The following LRP1B variants were observed in gnomAD, a reference collection of about 807,000 sequenced individuals.
The protein encoded by LRP1B is LDL receptor related protein 1B.
A neutral mutation model predicts 556.6 loss-of-function variants in LRP1B; 217 were observed. That is an observed-to-expected ratio of 0.39 (90% CI 0.35 to 0.44). The LOEUF is 0.44. Ranked by LOEUF, LRP1B falls within the 20% of genes least tolerant of loss-of-function variation. The probability of loss-of-function intolerance (pLI) is 1.00; values close to 1 mark genes in which losing one functional copy is unlikely to be tolerated. For synonymous variants in LRP1B, 2,047 were observed against 1,865.8 expected (o/e 1.10, Z -2.50); for missense variants, 5,053 against 5,620.8 (o/e 0.90, Z 3.23).
chr2:141,530,058 T>C (rs183805037), intron 2 of LRP1B, among the ~76,000 whole-genome samples: 111 of 152,266 alleles, frequency 7.3e-4, no homozygotes, highest in African/African-American at 2.6e-4. Flanking sequence ...TCATAAAGCA[T>C]TGTCATTCTA....
intron 3 of LRP1B, among the ~76,000 whole-genome samples, chr2:141,372,926 G>GT (rs1689284837): frequency 6.6e-6 from 1 of 151,772 alleles, no homozygotes; most frequent in Non-Finnish European, 1.5e-5. Flanking sequence ...GTTCGTTCTT[G>GT]TTTTTTCCAG....
At chr2:142,090,543 T>C (rs1317953661) in intron 1 of LRP1B, among the ~76,000 whole-genome samples, 1 of 152,124 alleles carries the variant, frequency 6.6e-6, no homozygotes, top group Non-Finnish European at 1.5e-5. Context: ...AAGACTTCAA[T>C]TTACAGATGT....
At chr2:140,290,130 C>T (rs1393059050) in intron 84 of LRP1B, among the ~76,000 whole-genome samples, 3 of 151,882 alleles carry the variant, frequency 2.0e-5, no homozygotes, top group Non-Finnish European at 4.4e-5. Context: ...GTTTAATATT[C>T]TAGTGGGGTA....
intron 35 of LRP1B, among the ~76,000 whole-genome samples, chr2:140,725,553 G>C (rs1160363240): frequency 1.7e-5 from 2 of 118,464 alleles, no homozygotes; most frequent in African/African-American, 6.3e-5. Flanking sequence ...GGGGAGGGGG[G>C]AGGGATAGCA....
rs561443490 is a variant in LRP1B at position 141,988,931 on chromosome 2, A to T, written c.82+141717T>A. ...ATAAATAAGTGCCTACTGCATGCAT[A>T]TTTCTACTAGAATCCTTAAAGAGAT... On this transcript the variant is annotated intron_variant, in intron 1 of 90. Transcript: ENST00000389484. Among the ~76,000 whole-genome samples the T allele has an allele frequency of 3.0e-4, 45 of 152,144 alleles. 4 individuals carry two copies. In the South Asian group the frequency reaches 9.1e-3, roughly 31 times the overall value.
rs150307333 is a variant in LRP1B at position 141,037,306 on chromosome 2, TA to T, written c.1789+11679del. Among the ~76,000 whole-genome samples, 458 of 152,124 alleles carry T rather than the reference TA, an allele frequency of 3.0e-3. 4 individuals carry two copies. Among genetic ancestry groups the T allele is most frequent in the African/African-American group, 0.011 (446 of 41,534 alleles). On this transcript the variant is annotated intron_variant, in intron 11 of 90. Transcript: ENST00000389484. ...ATTTGATTGGCCAAATCCTTCACAC[TA>T]ATAAACTGACAATAAATATGCTTTT...
intron 31 of LRP1B, among the ~76,000 whole-genome samples, chr2:140,831,251 T>C (rs1295587497): frequency 6.6e-6 from 1 of 152,002 alleles, no homozygotes; most frequent in Non-Finnish European, 1.5e-5. Flanking sequence ...GACAGAGACA[T>C]CACATTACTT....
chr2:141,103,143 T>C (rs1395771165), intron 7 of LRP1B, among the ~76,000 whole-genome samples: 4 of 152,140 alleles, frequency 2.6e-5, no homozygotes, highest in East Asian at 1.9e-4. Flanking sequence ...CTTCATCCAT[T>C]TGATGCCAAA....
chr2:141,682,590 T>C (rs563341416), intron 2 of LRP1B, among the ~76,000 whole-genome samples: 87 of 152,288 alleles, frequency 5.7e-4, no homozygotes, highest in African/African-American at 2.0e-3. Flanking sequence ...TCCATTCCCA[T>C]GTTGGAAAAA....
intron 18 of LRP1B, among the ~76,000 whole-genome samples, chr2:140,961,630 T>A (rs1696037351): frequency 6.6e-6 from 1 of 152,122 alleles, no homozygotes; most frequent in African/African-American, 2.4e-5. Context: ...CCACACAATT[T>A]TTTTTCCATT....
intron 3 of LRP1B, among the ~76,000 whole-genome samples, chr2:141,308,431 A>G (rs575806163): frequency 6.6e-6 from 1 of 152,246 alleles, no homozygotes; most frequent in South Asian, 2.1e-4. Flanking sequence ...CTGATAACAA[A>G]AGTTATCAGA....
chr2:141,573,713 AAAG>A (rs1253569555), intron 2 of LRP1B, among the ~76,000 whole-genome samples: 4 of 152,044 alleles, frequency 2.6e-5, no homozygotes, highest in African/African-American at 7.2e-5. Flanking sequence ...CTAGACTCAT[AAAG>A]AAGAAGAGAG....
At chr2:141,764,773 C>A (rs1383285558) in intron 2 of LRP1B, among the ~76,000 whole-genome samples, 2 of 151,898 alleles carry the variant, frequency 1.3e-5, no homozygotes, top group Non-Finnish European at 2.9e-5. Flanking sequence ...GACAACGAAA[C>A]CTTATAATGA....
chr2:141,738,840 T>A (rs990325769), intron 2 of LRP1B, among the ~76,000 whole-genome samples: 3 of 152,132 alleles, frequency 2.0e-5, no homozygotes, highest in African/African-American at 7.2e-5. Context: ...TTGCATGTGA[T>A]TAGGAAATGC....
chr2:140,536,356 A>C (rs1690972749), intron 46 of LRP1B, among the ~76,000 whole-genome samples: 1 of 140,204 alleles, frequency 7.1e-6, no homozygotes, highest in Non-Finnish European at 1.5e-5. Flanking sequence ...TATTTTGTGG[A>C]TAGAAAACCA....
At chr2:140,908,127 A>T in intron 21 of LRP1B, 50 bp from the exon 22 acceptor site, 7 of 1,449,922 alleles carry the variant, frequency 4.8e-6, no homozygotes, top group Non-Finnish European at 6.8e-6. Context: ...TTAGGTCATT[A>T]TGATAATGAG....
chr2:141,137,460 C>T (rs963351501), intron 7 of LRP1B, among the ~76,000 whole-genome samples: 1 of 151,858 alleles, frequency 6.6e-6, no homozygotes, highest in African/African-American at 2.4e-5. Flanking sequence ...CCAGGAACTG[C>T]TTGCCTTAAT....
intron 18 of LRP1B, among the ~76,000 whole-genome samples, chr2:140,958,218 C>T (rs1362515581): frequency 6.6e-6 from 1 of 151,300 alleles, no homozygotes; most frequent in Non-Finnish European, 1.5e-5. Context: ...TCCAGAATAT[C>T]TTTAGATATT....
intron 3 of LRP1B, among the ~76,000 whole-genome samples, chr2:141,442,674 G>A (rs777929776): frequency 4.3e-4 from 66 of 152,006 alleles, no homozygotes; most frequent in Non-Finnish European, 3.1e-4. Flanking sequence ...GTGAGAACAC[G>A]CGGTGTTTGA....
Sources: gnomAD v4.1 joint callset for allele counts (sites outside exome capture counted in the v4.1 genomes callset) on GRCh38, gnomAD v4.1.1 for gene constraint, MANE v1.5 for transcripts, NCBI Gene and HGNC (gene_info 2026-07-23, HGNC 2026-07-21) for gene names.